Variants in EXOC4 observed in about 807,000 individuals in gnomAD.
The protein encoded by EXOC4 is SEC8-like 1.
Under a neutral mutation model 107.2 loss-of-function variants are expected in EXOC4, and 71 were observed. That is an observed-to-expected ratio of 0.66 (90% CI 0.55 to 0.81). The LOEUF (loss-of-function observed/expected upper bound fraction) is 0.81, where lower values mean the gene tolerates loss of function less well. EXOC4 is among the 30% of genes least tolerant of loss of function. The pLI is 0.00. For missense variants in EXOC4, 1,108 were observed against 1,189.6 expected, an observed-to-expected ratio of 0.93 and a Z score of 1.01; for synonymous variants, 456 against 441.2, an observed-to-expected ratio of 1.03 and a Z score of -0.42.
intron 10 of EXOC4, chr7:133,732,964 C>A: frequency 6.2e-6 from 1 of 160,694 alleles, no homozygotes; most frequent in South Asian, 1.6e-4. Flanking sequence ...CATATTTTGT[C>A]ACTGGTAGGA....
intron 10 of EXOC4, among the ~76,000 whole-genome samples, chr7:133,697,240 A>G (rs1794555664): frequency 6.6e-6 from 1 of 152,148 alleles, no homozygotes; most frequent in Admixed American, 6.6e-5. Context: ...TCTTTGATTA[A>G]TATCTTTGTC....
chr7:133,659,356 A>G (rs1449564193), intron 10 of EXOC4, among the ~76,000 whole-genome samples: 2 of 152,128 alleles, frequency 1.3e-5, no homozygotes, highest in Admixed American at 1.3e-4. Context: ...TTTGCTAATG[A>G]TGAACGTATT....
intron 12 of EXOC4, among the ~76,000 whole-genome samples, chr7:133,897,841 G>A (rs1202275816): frequency 2.6e-5 from 4 of 151,958 alleles, no homozygotes. Context: ...TTCTCTTTGT[G>A]TGTCTTTGTG....
At chr7:133,915,108 A>T (rs1413521394) in intron 12 of EXOC4, among the ~76,000 whole-genome samples, 3 of 152,240 alleles carry the variant, frequency 2.0e-5, no homozygotes, top group South Asian at 4.1e-4. Flanking sequence ...ATCGTAAAGT[A>T]GACCTTGGAG....
intron 10 of EXOC4, among the ~76,000 whole-genome samples, chr7:133,814,035 CTAATTTAATGTTATTT>C (rs1563009527): frequency 6.6e-6 from 1 of 152,022 alleles, no homozygotes; most frequent in Non-Finnish European, 1.5e-5. Context: ...TTAAAATTTT[CTAATTTAATGTTATTT>C]GAGTAGCTAA....
chr7:133,736,736 A>G (rs1016788990), intron 10 of EXOC4, among the ~76,000 whole-genome samples: 1 of 152,108 alleles, frequency 6.6e-6, no homozygotes. Context: ...CTTCTGCCCC[A>G]ATTATTAACC....
rs1563018360 is a variant in EXOC4 at position 133,323,888 on chromosome 7, A to C, written c.763+6498A>C. Among the ~76,000 whole-genome samples the C allele has an allele frequency of 1.3e-5, 2 of 151,948 alleles. 1 individual carries two copies. The highest frequency in any genetic ancestry group is 4.2e-4 in the South Asian group (2 of 4,810). On this transcript the variant is annotated intron_variant, in intron 5 of 17. Coordinates refer to ENST00000253861, the MANE Select transcript of EXOC4 (RefSeq NM_021807.4). ...CTATTAATTATTGCCTCAATTTCAG[A>C]GCCTGTTATTGGTCTATTCAGAGAT...
intron 14 of EXOC4, among the ~76,000 whole-genome samples, chr7:133,981,643 C>G (rs957276131): frequency 6.6e-5 from 10 of 152,180 alleles, no homozygotes; most frequent in Non-Finnish European, 1.2e-4. Context: ...CATTTATACC[C>G]TCTTGGTGGG....
intron 9 of EXOC4, among the ~76,000 whole-genome samples, chr7:133,518,631 T>C (rs902476663): frequency 1.3e-5 from 2 of 152,198 alleles, no homozygotes; most frequent in Non-Finnish European, 2.9e-5. Flanking sequence ...TAAAATGTAG[T>C]GTATACATAG....
At chr7:134,089,151 T>C in the EXOC4 span, among the ~76,000 whole-genome samples, 1 of 152,182 alleles carries the variant, frequency 6.6e-6, no homozygotes, top group African/African-American at 2.4e-5. Flanking sequence ...GTAATACCCC[T>C]TTAACTTCAG....
intron 10 of EXOC4, among the ~76,000 whole-genome samples, chr7:133,716,406 A>C (rs1794999405): frequency 6.6e-6 from 1 of 152,234 alleles, no homozygotes; most frequent in South Asian, 2.1e-4. Flanking sequence ...GGATTTAGAA[A>C]AATGTAAGAG....
At chr7:133,328,823 C>T (rs193204013) in intron 5 of EXOC4, among the ~76,000 whole-genome samples, 16 of 152,242 alleles carry the variant, frequency 1.1e-4, no homozygotes, top group Admixed American at 9.2e-4. Context: ...GTGGGTAACC[C>T]AGCCTTTCTC....
intron 5 of EXOC4, among the ~76,000 whole-genome samples, chr7:133,343,191 A>C (rs1219304663): frequency 1.3e-5 from 2 of 152,092 alleles, no homozygotes; most frequent in Non-Finnish European, 2.9e-5. Context: ...CTGCTGTTTA[A>C]ATTTTTTTTG....
In EXOC4 at chr7:133,358,217, C is replaced by A. The variant is rs569680721; in HGVS notation, c.1007+1644C>A. ...ACAAACAAACAAACACCCCAAAAAA[C>A]CAAAACCAAACAAACAAAAACACCA... On this transcript the variant is annotated intron_variant, in intron 6 of 17. Transcript: ENST00000253861. 2.6e-5 allele frequency among the ~76,000 whole-genome samples: 4 copies of A among 152,136 alleles called. No individual in the cohort carries two copies. The East Asian group carries it at 7.7e-4, about 29-fold the overall frequency.
intron 5 of EXOC4, among the ~76,000 whole-genome samples, chr7:133,342,316 A>G (rs1230912087): frequency 2.0e-5 from 3 of 152,184 alleles, no homozygotes; most frequent in African/African-American, 4.8e-5. Flanking sequence ...GCTGGATACG[A>G]AATTGTTGGC....
intron 10 of EXOC4, among the ~76,000 whole-genome samples, chr7:133,671,316 C>T (rs995871227): frequency 6.6e-6 from 1 of 152,144 alleles, no homozygotes; most frequent in Non-Finnish European, 1.5e-5. Context: ...GTAATCACAG[C>T]ACTTTGAGAG....
At chr7:133,619,255 T>C (rs1259532700) in intron 9 of EXOC4, among the ~76,000 whole-genome samples, 1 of 152,226 alleles carries the variant, frequency 6.6e-6, no homozygotes, top group Admixed American at 6.5e-5. Context: ...GCACTCGATC[T>C]CTCCGGCTTC....
At chr7:134,050,061 A>G (rs1226640988) in intron 17 of EXOC4, among the ~76,000 whole-genome samples, 3 of 152,240 alleles carry the variant, frequency 2.0e-5, no homozygotes, top group Non-Finnish European at 2.9e-5. Flanking sequence ...GGTGCAGAAC[A>G]GTATGTAAAC....
chr7:133,780,235 C>T (rs73152980), intron 10 of EXOC4, among the ~76,000 whole-genome samples: 1 of 139,244 alleles, frequency 7.2e-6, no homozygotes, highest in African/African-American at 2.6e-5. Flanking sequence ...ATATGCTTCC[C>T]AAAAAAAAAA....
Sources: gnomAD v4.1 joint callset for allele counts (sites outside exome capture counted in the v4.1 genomes callset) on GRCh38, gnomAD v4.1.1 for gene constraint, MANE v1.5 for transcripts, NCBI Gene and HGNC (gene_info 2026-07-23, HGNC 2026-07-21) for gene names.